TTK: variants seen among roughly 807,000 people sequenced by gnomAD.
TTK encodes dual specificity protein kinase TTK.
A neutral mutation model predicts 117.3 loss-of-function variants in TTK; 59 were observed. The ratio of observed to expected loss-of-function variants is 0.50; its 90% confidence interval spans 0.41 to 0.62. TTK has a LOEUF of 0.62. Among genes scored for constraint, TTK ranks in the 20% least tolerant of loss-of-function variants. The probability of loss-of-function intolerance (pLI) is 0.00; values close to 1 mark genes in which losing one functional copy is unlikely to be tolerated. For missense variants in TTK, 921 were observed against 989.4 expected (o/e 0.93, Z 0.93); for synonymous variants, 302 against 325.0 (o/e 0.93, Z 0.76).
At chr6:80,020,437 T>A (rs1335703223) in intron 10 of TTK, among the ~76,000 whole-genome samples, 1 of 151,744 alleles carries the variant, frequency 6.6e-6, no homozygotes, top group African/African-American at 2.4e-5. Flanking sequence ...AAACAGTGAG[T>A]TTTATCTCAA....
At chr6:80,011,153 T>C (rs1293922678) in intron 5 of TTK, among the ~76,000 whole-genome samples, 196 bp downstream of exon 5, 2 of 151,884 alleles carry the variant, frequency 1.3e-5, no homozygotes, top group Admixed American at 6.6e-5. Flanking sequence ...AACTAAACTT[T>C]CGTTAACACA....
chr6:80,008,403 A>C lies in TTK; in HGVS notation c.380A>C (p.Asp127Ala). Residue 127 changes from aspartate to alanine, a missense_variant, in exon 4 of 22, where the codon GAT becomes GCT. Coordinates refer to ENST00000369798, the MANE Select transcript of TTK (RefSeq NM_003318.5). ...AELKAIQEPDDARDYFQMARA... is the reference protein window; with the variant it reads ...AELKAIQEPDAARDYFQMARA... ...TATTACAGTATTCAAGAGCCAGATG[A>C]TGCACGTGACTACTTTCAAATGGCC... The C allele has an allele frequency of 1.2e-6, 2 of 1,611,838 alleles. No individual in the cohort carries two copies. Among genetic ancestry groups the C allele is most frequent in the Non-Finnish European group, 1.7e-6 (2 of 1,179,012 alleles).
intron 10 of TTK, among the ~76,000 whole-genome samples, chr6:80,017,236 A>G (rs1368850957): frequency 6.6e-6 from 1 of 152,112 alleles, no homozygotes; most frequent in Non-Finnish European, 1.5e-5. Context: ...GATTCTATGT[A>G]TGGTGTCTGG....
intron 10 of TTK, among the ~76,000 whole-genome samples, chr6:80,017,258 T>C (rs996617823): frequency 2.0e-5 from 3 of 152,102 alleles, no homozygotes; most frequent in African/African-American, 4.8e-5. Context: ...TTTGGATTCT[T>C]TTCTGTTCTA....
At position 80,011,746 on chromosome 6, in the gene TTK, A is replaced by G; in HGVS notation, c.746A>G (p.Gln249Arg). The change falls in exon 7 of 22, where the codon CAA becomes CGA. Residue 249 changes from glutamine (Q) to arginine (R), a missense_variant. Gln to Arg is a conservative substitution (Grantham distance 43, BLOSUM62 1). Transcript: ENST00000369798. Reference protein sequence around the residue: ...RFLYGENMPPQDAEIGYRNSL... With the variant: ...RFLYGENMPPRDAEIGYRNSL... ...CTGTTTAGAGAGAACATGCCACCAC[A>G]AGATGCAGAAATAGGTTACCGGAAT... is the stretch of plus-strand genomic sequence containing the variant. The G allele has an allele frequency of 3.7e-6, 6 of 1,612,786 alleles. No homozygotes were observed. The South Asian group carries it at 4.4e-5, about 12-fold the overall frequency.
At position 80,028,025 on chromosome 6, in the gene TTK, T is replaced by C; in HGVS notation, c.1521+14T>C. 1 of 1,586,342 alleles carries C rather than the reference T, an allele frequency of 6.3e-7. No homozygotes were observed. The highest frequency in any genetic ancestry group is 8.6e-7 in the Non-Finnish European group (1 of 1,167,892). On this transcript the variant is annotated intron_variant, in intron 13 of 21. Transcript: ENST00000369798. ...CAAAATTTACAGGTTCGATAAGCTT[T>C]ATATATGATGGTATATGTTAAGATA...
Position 80,005,906 on chromosome 6 carries a change from A to G in TTK, c.63A>G (p.Arg21=). 5 of 1,612,592 alleles carry G rather than the reference A, an allele frequency of 3.1e-6. No homozygotes were observed. Among genetic ancestry groups the G allele is most frequent in the Non-Finnish European group, 4.2e-6 (5 of 1,179,594 alleles). The change falls in exon 2 of 22, where the codon AGA becomes AGG. Residue 21 remains arginine, a synonymous_variant. Coordinates refer to ENST00000369798, the MANE Select transcript of TTK (RefSeq NM_003318.5). Reference sequence around the variant, plus strand: ...TTGATTCCATAATGAACAAAGTGAGAGACATTAAAAATAAGTTTAAAAATG... The same window carrying G: ...TTGATTCCATAATGAACAAAGTGAGGGACATTAAAAATAAGTTTAAAAATG... ...LTIDSIMNKV[R]DIKNKFKNED... is the part of the protein sequence containing the mutation.
chr6:80,012,582 A>C (rs1445628954), intron 8 of TTK, among the ~76,000 whole-genome samples: 1 of 152,012 alleles, frequency 6.6e-6, no homozygotes, highest in Admixed American at 6.6e-5. Flanking sequence ...TCTGACCAAC[A>C]TTTGTAATAT....
In TTK at chr6:80,008,506, G is replaced by A. The variant is rs746866065; in HGVS notation, c.469+14G>A. On this transcript the variant is annotated intron_variant, in intron 4 of 21. Transcript: ENST00000369798. ...AACTGTCACAAGGTAATCTGAAAAT[G>A]TCAAATTCAAATTTTAAGTAAAGGA... 1.3e-6 allele frequency: 2 copies of A among 1,587,552 alleles called. No homozygotes were observed. The highest frequency in any genetic ancestry group is 1.7e-6 in the Non-Finnish European group (2 of 1,168,066).
At chr6:80,041,927 G>T (rs539955122) in intron 21 of TTK, among the ~76,000 whole-genome samples, 192 bp from the exon 22 acceptor site, 1 of 151,704 alleles carries the variant, frequency 6.6e-6, no homozygotes, top group South Asian at 2.1e-4. Flanking sequence ...TCTCATGATA[G>T]GTAATGCTTA....
At chr6:80,015,270 T>C (rs1767276745) in intron 10 of TTK, among the ~76,000 whole-genome samples, 1 of 152,194 alleles carries the variant, frequency 6.6e-6, no homozygotes, top group South Asian at 2.1e-4. Context: ...ACTGTCTAGT[T>C]ATGCTGCAGA....
rs756799506 is a variant in TTK, at chr6:80,010,912, C to CA, written c.575dup (p.Gln193AlafsTer33). The CA allele has an allele frequency of 7.4e-6, 12 of 1,611,312 alleles. No homozygotes were observed. Among genetic ancestry groups the CA allele is most frequent in the South Asian group, 1.1e-5 (1 of 90,942 alleles). Reference sequence around the variant, plus strand: ...AATTGCCCTGCGGAATTTAAACCTCCAAAAAAAGCAGCTGCTTTCAGAGGA... The same window carrying CA: ...AATTGCCCTGCGGAATTTAAACCTCCAAAAAAAAGCAGCTGCTTTCAGAGGA... On this transcript the variant is annotated frameshift_variant, in exon 5 of 22. Transcript: ENST00000369798. LOFTEE classifies it high-confidence loss of function.
At position 80,008,459 on chromosome 6, in the gene TTK, C is replaced by A. The variant is rs759057062; in HGVS notation, c.436C>A (p.His146Asn). Reference sequence around the variant, plus strand: ...AAACTGCAAGAAATTTGCTTTTGTTCATATATCTTTTGCACAATTTGAACT... The same window carrying A: ...AAACTGCAAGAAATTTGCTTTTGTTAATATATCTTTTGCACAATTTGAACT... ...RANCKKFAFV[H>N]ISFAQFELSQ... Residue 146 changes from histidine to asparagine, a missense_variant, in exon 4 of 22, where the codon CAT becomes AAT. His to Asn is a moderately conservative substitution (Grantham distance 68). Transcript: ENST00000369798. 2 of 1,611,930 alleles carry A rather than the reference C, an allele frequency of 1.2e-6. No individual in the cohort carries two copies. Among genetic ancestry groups the A allele is most frequent in the East Asian group, 4.5e-5 (2 of 44,682 alleles).
Position 80,021,485 on chromosome 6 carries a change from A to C in TTK, c.1109-839A>C, listed in dbSNP as rs145580736. Among the ~76,000 whole-genome samples the C allele has an allele frequency of 4.5e-3, 688 of 152,340 alleles. 7 individuals carry two copies. Among genetic ancestry groups the C allele is most frequent in the African/African-American group, 0.016 (652 of 41,582 alleles). On this transcript the variant is annotated intron_variant, in intron 10 of 21. Coordinates refer to ENST00000369798, the MANE Select transcript of TTK (RefSeq NM_003318.5). ...CGGCTCTTCACAACACAGAGGCCAAAAACATGAGAAGTGAGGTGTGGTGGA... is the reference window on the plus strand; with the variant it reads ...CGGCTCTTCACAACACAGAGGCCAACAACATGAGAAGTGAGGTGTGGTGGA...
chr6:80,021,322 C>T (rs1767452919), intron 10 of TTK, among the ~76,000 whole-genome samples: 2 of 152,214 alleles, frequency 1.3e-5, no homozygotes, highest in South Asian at 4.1e-4. Context: ...CTGCGTTGGC[C>T]TGGTAGCCTG....
chr6:80,040,324 T>G, intron 20 of TTK, 44 bp downstream of exon 20: 1 of 1,457,956 alleles, frequency 6.9e-7, no homozygotes, highest in Non-Finnish European at 9.3e-7. Context: ...ATTGGTAGTA[T>G]AAACAGTCTG....
chr6:80,011,898 G>A lies in TTK; in HGVS notation c.814G>A (p.Gly272Arg). 1 of 1,612,474 alleles carries A rather than the reference G, an allele frequency of 6.2e-7. No homozygotes were observed. Among genetic ancestry groups the A allele is most frequent in the Non-Finnish European group, 8.5e-7 (1 of 1,179,030 alleles). ...AAAATATTTTTAGTCATGCCCATTT[G>A]GAAGAGTCCCAGTTAACCTTCTAAA... ...TNKTKQSCPFGRVPVNLLNSP... is the reference protein window; with the variant it reads ...TNKTKQSCPFRRVPVNLLNSP... Residue 272 changes from glycine (G) to arginine (R), a missense_variant, in exon 8 of 22, where the codon GGA becomes AGA. By Grantham distance (125) the Gly-to-Arg change is moderately radical. Coordinates refer to ENST00000369798, the MANE Select transcript of TTK (RefSeq NM_003318.5).
intron 10 of TTK, among the ~76,000 whole-genome samples, chr6:80,015,670 G>A (rs1163920608): frequency 6.6e-6 from 1 of 152,148 alleles, no homozygotes; most frequent in Admixed American, 6.5e-5. Flanking sequence ...ATTGTAACTG[G>A]TATGATTGAG....
At chr6:80,017,595 G>A (rs990987979) in intron 10 of TTK, among the ~76,000 whole-genome samples, 9 of 152,162 alleles carry the variant, frequency 5.9e-5, no homozygotes, top group African/African-American at 2.2e-4. Context: ...TCTCTTAGTA[G>A]CTGCACTAAG....
Sources: allele counts gnomAD v4.1 joint callset (sites outside exome capture counted in the v4.1 genomes callset), GRCh38; gene constraint gnomAD v4.1.1; transcripts MANE v1.5; gene names NCBI Gene and HGNC (gene_info 2026-07-23, HGNC 2026-07-21).